Variants in ZFPM2 observed in about 807,000 individuals in gnomAD.
The protein encoded by ZFPM2 is zinc finger protein ZFPM2.
In ZFPM2, 20 loss-of-function variants were observed where a neutral mutation model predicts 98.6. The ratio of observed to expected loss-of-function variants is 0.20; its 90% confidence interval spans 0.14 to 0.29. The LOEUF is 0.29. Ranked by LOEUF, ZFPM2 falls within the 10% of genes least tolerant of loss-of-function variation. The pLI, the probability that ZFPM2 is intolerant of heterozygous loss-of-function variation, is 1.00. For missense variants in ZFPM2, 1,310 were observed against 1,388.6 expected (o/e 0.94, Z 0.90); for synonymous variants, 518 against 502.7 (o/e 1.03, Z -0.41).
chr8:105,405,720 T>A (rs376017082), intron 1 of ZFPM2, among the ~76,000 whole-genome samples: 1 of 151,926 alleles, frequency 6.6e-6, no homozygotes, highest in African/African-American at 2.4e-5. Flanking sequence ...TGCTATTGTG[T>A]ATAGTGCCGC....
At chr8:105,698,185 C>T (rs1310897705) in intron 5 of ZFPM2, among the ~76,000 whole-genome samples, 1 of 152,142 alleles carries the variant, frequency 6.6e-6, no homozygotes, top group East Asian at 1.9e-4. Context: ...TTCTACCTTT[C>T]CCTTAATCAT....
chr8:105,565,485 A>G (rs1313737583), intron 4 of ZFPM2, among the ~76,000 whole-genome samples: 1 of 152,186 alleles, frequency 6.6e-6, no homozygotes, highest in Non-Finnish European at 1.5e-5. Context: ...CAAGTGCAAG[A>G]GAAGATAATA....
At chr8:105,618,834 A>G (rs1410758398) in intron 4 of ZFPM2, among the ~76,000 whole-genome samples, 2 of 152,138 alleles carry the variant, frequency 1.3e-5, no homozygotes, top group Non-Finnish European at 2.9e-5. Context: ...AAAATTTTAA[A>G]CTATCTTTTT....
intron 5 of ZFPM2, among the ~76,000 whole-genome samples, chr8:105,757,876 C>T (rs1352022454): frequency 6.6e-6 from 1 of 152,134 alleles, no homozygotes; most frequent in Non-Finnish European, 1.5e-5. Flanking sequence ...TCAGTACCCA[C>T]TTTCCTCATT....
chr8:105,437,520 T>C (rs1217296048), intron 2 of ZFPM2, among the ~76,000 whole-genome samples: 2 of 152,194 alleles, frequency 1.3e-5, no homozygotes, highest in Non-Finnish European at 2.9e-5. Context: ...GGGATGAGAA[T>C]GATCAGGGGT....
chr8:105,691,056 A>T (rs998130152), intron 5 of ZFPM2: 1 of 152,006 alleles, frequency 6.6e-6, no homozygotes, highest in Non-Finnish European at 1.5e-5. Flanking sequence ...TGAAATTCTT[A>T]TTATCCTCTC....
At chr8:105,433,512 G>A (rs1812059564) in intron 2 of ZFPM2, among the ~76,000 whole-genome samples, 1 of 152,194 alleles carries the variant, frequency 6.6e-6, no homozygotes, top group South Asian at 2.1e-4. Context: ...TTGCGGCTGG[G>A]CACGGTGGCT....
intron 3 of ZFPM2, among the ~76,000 whole-genome samples, chr8:105,470,598 C>T (rs1008078618): frequency 1.1e-4 from 16 of 151,940 alleles, no homozygotes; most frequent in African/African-American, 2.9e-4. Context: ...GACAAAATGG[C>T]GAAACCTTGT....
intron 3 of ZFPM2, among the ~76,000 whole-genome samples, chr8:105,487,929 TCTAGCTAGCTAGCTAG>T (rs67078135): frequency 0.013 from 1,062 of 82,718 alleles, 7 homozygotes; most frequent in East Asian, 0.028. Context: ...TATCTATCTA[TCTAGCTAGCTAGCTAG>T]CTAGCTATCT....
chr8:105,526,791 A>G (rs1814183262), intron 3 of ZFPM2, among the ~76,000 whole-genome samples: 1 of 152,196 alleles, frequency 6.6e-6, no homozygotes, highest in Non-Finnish European at 1.5e-5. Context: ...TGTCACTTAT[A>G]TACAGTCCAA....
intron 5 of ZFPM2, chr8:105,662,510 G>A (rs1817409790): frequency 6.6e-6 from 1 of 151,514 alleles, no homozygotes; most frequent in South Asian, 2.1e-4. Flanking sequence ...TCTTAGCTCT[G>A]GCAGTCCTTT....
intron 1 of ZFPM2, among the ~76,000 whole-genome samples, chr8:105,361,063 T>G (rs1313878865): frequency 7.3e-6 from 1 of 136,190 alleles, no homozygotes; most frequent in Admixed American, 7.7e-5. Context: ...ACTTCCACAA[T>G]GGTTGAACTA....
intron 4 of ZFPM2, among the ~76,000 whole-genome samples, chr8:105,572,211 G>A (rs1293234430): frequency 6.6e-6 from 1 of 151,308 alleles, no homozygotes; most frequent in East Asian, 2.0e-4. Context: ...CTAATTTTTT[G>A]TATTTTTAGT....
At chr8:105,701,808 GTA>G (rs1480718921) in intron 5 of ZFPM2, among the ~76,000 whole-genome samples, 1 of 152,116 alleles carries the variant, frequency 6.6e-6, no homozygotes, top group Non-Finnish European at 1.5e-5. Flanking sequence ...TCAAAAATGA[GTA>G]TATATATTTT....
At chr8:105,594,147 G>A (rs28733802) in intron 4 of ZFPM2, among the ~76,000 whole-genome samples, 25,288 of 152,036 alleles carry the variant, frequency 0.17, 2,431 homozygotes, top group Middle Eastern at 0.3. Flanking sequence ...AAACCTAAAT[G>A]CCTGAGTTAT....
chr8:105,437,776 C>T (rs1245925010), intron 2 of ZFPM2, among the ~76,000 whole-genome samples: 1 of 152,150 alleles, frequency 6.6e-6, no homozygotes, highest in African/African-American at 2.4e-5. Flanking sequence ...GGAGTGGTGG[C>T]TCACGCCTGT....
At chr8:105,446,139 C>T (rs1177648704) in intron 3 of ZFPM2, among the ~76,000 whole-genome samples, 1 of 152,100 alleles carries the variant, frequency 6.6e-6, no homozygotes, top group Admixed American at 6.6e-5. Context: ...TCAGGATGGT[C>T]TCGATCTCCT....
intron 1 of ZFPM2, among the ~76,000 whole-genome samples, chr8:105,369,541 T>A (rs1810577415): frequency 6.6e-6 from 1 of 152,148 alleles, no homozygotes; most frequent in Non-Finnish European, 1.5e-5. Flanking sequence ...CTAGATGATG[T>A]TATGAGGCTG....
chr8:105,488,597 T>TA (rs936045020), intron 3 of ZFPM2, among the ~76,000 whole-genome samples: 4 of 151,852 alleles, frequency 2.6e-5, no homozygotes, highest in Non-Finnish European at 4.4e-5. Context: ...CTGTCTCTAC[T>TA]AAAAAACAAT....
Sources: gnomAD v4.1 joint callset for allele counts (sites outside exome capture counted in the v4.1 genomes callset) on GRCh38, gnomAD v4.1.1 for gene constraint, MANE v1.5 for transcripts, NCBI Gene and HGNC (gene_info 2026-07-23, HGNC 2026-07-21) for gene names.